The following IQCB1 variants were observed in gnomAD, a reference collection of about 807,000 sequenced individuals.
IQCB1 encodes IQ calmodulin-binding motif-containing protein 1.
IQCB1 carries 56 observed loss-of-function variants against 84.4 expected under a neutral mutation model. The ratio of observed to expected loss-of-function variants is 0.66; its 90% confidence interval spans 0.54 to 0.83. The LOEUF is 0.83. Ranked by LOEUF, IQCB1 falls within the 40% of genes least tolerant of loss-of-function variation. IQCB1 has a pLI of 0.00. For missense variants in IQCB1, 629 were observed against 682.1 expected, an observed-to-expected ratio of 0.92 and a Z score of 0.87; for synonymous variants, 210 against 234.8, an observed-to-expected ratio of 0.89 and a Z score of 0.96.
At chr3:121,809,434 G>A (rs1019446353) in intron 5 of IQCB1, among the ~76,000 whole-genome samples, 2 of 151,930 alleles carry the variant, frequency 1.3e-5, no homozygotes, top group Non-Finnish European at 2.9e-5. Flanking sequence ...TACAACTTGG[G>A]TGAAAATAAC....
At chr3:121,825,252 G>T (rs1419450979) in intron 5 of IQCB1, among the ~76,000 whole-genome samples, 7 of 151,912 alleles carry the variant, frequency 4.6e-5, no homozygotes, top group Admixed American at 2.6e-4. Context: ...TAGAGACAGG[G>T]TTTCTCCATG....
chr3:121,817,405 T>C (rs909484804), intron 5 of IQCB1, among the ~76,000 whole-genome samples: 2 of 149,088 alleles, frequency 1.3e-5, no homozygotes, highest in East Asian at 2.0e-4. Flanking sequence ...AGCACATATA[T>C]CCCAGAACTG....
intron 5 of IQCB1, among the ~76,000 whole-genome samples, chr3:121,825,309 C>G (rs964858279): frequency 3.9e-5 from 6 of 152,140 alleles, no homozygotes; most frequent in African/African-American, 1.2e-4. Flanking sequence ...ATCCGCCCGC[C>G]TCGGCCTCCC....
chr3:121,771,904 G>A (rs1017642316), intron 14 of IQCB1, among the ~76,000 whole-genome samples: 12 of 152,132 alleles, frequency 7.9e-5, no homozygotes, highest in African/African-American at 1.7e-4. Flanking sequence ...GGCTAGGCAC[G>A]GTGGCTCACG....
rs1020843421 is a variant in IQCB1, at chr3:121,770,198, T to C, written c.*147A>G. ...AGAAAATTGAGAGAGAGGTAGAATATAACTCTTTGCTTACTGCAGGTCTTG... is the reference window on the plus strand; with the variant it reads ...AGAAAATTGAGAGAGAGGTAGAATACAACTCTTTGCTTACTGCAGGTCTTG... On this transcript the variant is annotated 3_prime_UTR_variant, in exon 15 of 15. Transcript: ENST00000310864. The C allele has an allele frequency of 1.2e-4, 74 of 627,536 alleles. No homozygotes were observed. Among genetic ancestry groups the C allele is most frequent in the Non-Finnish European group, 3.7e-5 (13 of 352,498 alleles). The allele number at this position is 627,536 out of a possible 1,614,324, so 38.9% of individuals were successfully genotyped here.
chr3:121,822,519 C>T (rs1341870489), intron 5 of IQCB1, among the ~76,000 whole-genome samples: 3 of 152,152 alleles, frequency 2.0e-5, no homozygotes, highest in African/African-American at 7.2e-5. Context: ...TTAAACTGTA[C>T]ATATGAGAGA....
At chr3:121,819,528 C>A (rs1300702062) in intron 5 of IQCB1, among the ~76,000 whole-genome samples, 1 of 151,922 alleles carries the variant, frequency 6.6e-6, no homozygotes, top group East Asian at 1.9e-4. Flanking sequence ...GCTGGGGACC[C>A]CTGACATAAA....
At chr3:121,784,189 CTT>C (rs61611986) in intron 12 of IQCB1, among the ~76,000 whole-genome samples, 2 of 144,898 alleles carry the variant, frequency 1.4e-5, no homozygotes, top group Admixed American at 6.9e-5. Flanking sequence ...TTCTATCCAT[CTT>C]TTTTTTTTTT....
rs57816005 is a variant in IQCB1 at position 121,781,632 on chromosome 3, TAC to T, written c.1410+109_1410+110del. 0.21 allele frequency: 166,746 copies of T among 808,764 alleles called. 7,037 individuals carry two copies. Among genetic ancestry groups the T allele is most frequent in the Non-Finnish European group, 0.23 (113,077 of 484,472 alleles). 50.1% of individuals were successfully genotyped at this position (808,764 alleles called of 1,614,324 possible). A position where few individuals can be genotyped will look rare whatever the true frequency, so the allele number is the denominator to read the frequency against. On this transcript the variant is annotated intron_variant, in intron 13 of 14. Coordinates refer to ENST00000310864, the MANE Select transcript of IQCB1 (RefSeq NM_001023570.4). ...CATTACCTTATACCAGCAATAAATG[TAC>T]ACACACACACACACACACACACACA...
intron 5 of IQCB1, among the ~76,000 whole-genome samples, chr3:121,822,096 G>A (rs1313604661): frequency 2.0e-5 from 3 of 152,264 alleles, no homozygotes; most frequent in East Asian, 3.9e-4. Context: ...CATGGATCTC[G>A]AGTCTGCTGG....
intron 11 of IQCB1, among the ~76,000 whole-genome samples, chr3:121,789,235 TA>T (rs889927687): frequency 2.0e-5 from 3 of 152,176 alleles, no homozygotes; most frequent in Non-Finnish European, 4.4e-5. Context: ...TGGGTTAAAA[TA>T]AAGTAAAATT....
chr3:121,780,997 T>C (rs1484514091), intron 13 of IQCB1, among the ~76,000 whole-genome samples: 3 of 152,170 alleles, frequency 2.0e-5, no homozygotes, highest in Admixed American at 2.0e-4. Flanking sequence ...AGGGAATAAT[T>C]CTGATAGATT....
rs60712162 is a variant in IQCB1 at position 121,779,489 on chromosome 3, A to T, written c.1410+2254T>A. On this transcript the variant is annotated intron_variant, in intron 13 of 14. Transcript: ENST00000310864. ...TTATCTCTAGGAGTTTGATTCAGGT[A>T]TTTTTTTTTACATTTTTCATCTTTC... Among the ~76,000 whole-genome samples, 5,937 of 151,356 alleles carry T rather than the reference A, an allele frequency of 0.039. 1,105 individuals carry two copies. The East Asian group carries it at 0.63, about 16-fold the overall frequency.
At chr3:121,832,277 G>C (rs529636389) in intron 2 of IQCB1, among the ~76,000 whole-genome samples, 5 of 147,046 alleles carry the variant, frequency 3.4e-5, no homozygotes, top group African/African-American at 1.2e-4. Flanking sequence ...TTTTCTCCTT[G>C]TCATTTATTT....
intron 7 of IQCB1, among the ~76,000 whole-genome samples, chr3:121,800,135 A>G (rs539099714): frequency 6.6e-6 from 1 of 152,066 alleles, no homozygotes; most frequent in Non-Finnish European, 1.5e-5. Context: ...TCCAGTAGAA[A>G]AGGTAATTCT....
At chr3:121,833,270 AC>A (rs1434986370) in intron 2 of IQCB1, among the ~76,000 whole-genome samples, 1 of 152,150 alleles carries the variant, frequency 6.6e-6, no homozygotes, top group South Asian at 2.1e-4. Context: ...TTGGTTCACA[AC>A]TGTATTCCCA....
At chr3:121,785,894 C>T (rs558856036) in intron 12 of IQCB1, among the ~76,000 whole-genome samples, 15 of 151,764 alleles carry the variant, frequency 9.9e-5, no homozygotes, top group South Asian at 2.1e-4. Context: ...TTAGGCTAGG[C>T]GCAGTGGCTC....
chr3:121,805,654 A>G (rs1294098867), intron 7 of IQCB1, among the ~76,000 whole-genome samples: 2 of 152,078 alleles, frequency 1.3e-5, no homozygotes, highest in African/African-American at 4.8e-5. Context: ...CCAATGACGC[A>G]CTGTTTATGA....
intron 13 of IQCB1, among the ~76,000 whole-genome samples, chr3:121,773,335 A>AG (rs1252314442): frequency 2.7e-5 from 4 of 150,896 alleles, no homozygotes; most frequent in Non-Finnish European, 5.9e-5. Flanking sequence ...AAAAAAAAAA[A>AG]AGACACTGGC....
Sources: allele counts gnomAD v4.1 joint callset (sites outside exome capture counted in the v4.1 genomes callset), GRCh38; gene constraint gnomAD v4.1.1; transcripts MANE v1.5; gene names NCBI Gene and HGNC (gene_info 2026-07-23, HGNC 2026-07-21).